The following PSD4 variants were observed in gnomAD, a reference collection of about 807,000 sequenced individuals.
PSD4 encodes PH and SEC7 domain-containing protein 4.
A neutral mutation model predicts 112.5 loss-of-function variants in PSD4; 59 were observed. That is an observed-to-expected ratio of 0.52 (90% CI 0.43 to 0.65). The LOEUF (loss-of-function observed/expected upper bound fraction) is 0.65. Ranked by LOEUF, PSD4 falls within the 30% of genes least tolerant of loss-of-function variation. PSD4 has a pLI of 0.00. For missense variants in PSD4, 1,267 were observed against 1,352.6 expected, an observed-to-expected ratio of 0.94 and a Z score of 0.99; for synonymous variants, 533 against 540.0, an observed-to-expected ratio of 0.99 and a Z score of 0.18.
chr2:113,186,284 C>T, intron 5 of PSD4, 29 bp downstream of exon 5: 5 of 1,534,512 alleles, frequency 3.3e-6, no homozygotes, highest in Non-Finnish European at 3.5e-6. Flanking sequence ...GGCTCTCATG[C>T]TCCTAATTAT....
At chr2:113,175,548 G>A (rs555784079) in intron 1 of PSD4, among the ~76,000 whole-genome samples, 1 of 152,286 alleles carries the variant, frequency 6.6e-6, no homozygotes, top group South Asian at 2.1e-4. Context: ...CTGTAATTCG[G>A]CAGCTTCTCG....
At chr2:113,199,296 C>T (rs2104509800) in intron 16 of PSD4, 70 bp downstream of exon 16, 2 of 1,358,924 alleles carry the variant, frequency 1.5e-6, no homozygotes, top group Non-Finnish European at 1.9e-6. Flanking sequence ...CGCCTCGGTC[C>T]CTGCAGCCGT....
At chr2:113,199,650 C>G (rs972589510) in intron 16 of PSD4, among the ~76,000 whole-genome samples, 11 of 152,304 alleles carry the variant, frequency 7.2e-5, no homozygotes, top group African/African-American at 2.6e-4. Flanking sequence ...GCTTGTCTTC[C>G]TTGCATGGAT....
At chr2:113,194,513 C>T (rs1387957562) in intron 10 of PSD4, among the ~76,000 whole-genome samples, 2 of 152,208 alleles carry the variant, frequency 1.3e-5, no homozygotes, top group East Asian at 1.9e-4. Context: ...CATCACTTAA[C>T]GATGAAGGTG....
At position 113,201,506 on chromosome 2, in the gene PSD4, A is replaced by T; in HGVS notation, c.*91A>T. 2 of 1,503,860 alleles carry T rather than the reference A, an allele frequency of 1.3e-6. No homozygotes were observed. The allele number at this position is 1,503,860 out of a possible 1,614,324, so 93.2% of individuals were successfully genotyped here. On this transcript the variant is annotated 3_prime_UTR_variant, in exon 17 of 17. Transcript: ENST00000245796. Reference sequence around the variant, plus strand: ...GGAGACTTATTTCAATGAGTCCACCATGACGGATGAGGCACCTCCTTTCCC... The same window carrying T: ...GGAGACTTATTTCAATGAGTCCACCTTGACGGATGAGGCACCTCCTTTCCC...
At position 113,184,957 on chromosome 2, in the gene PSD4, G is replaced by A; in HGVS notation, c.1057G>A (p.Gly353Arg). The change falls in exon 3 of 17, where the codon GGA becomes AGA. Residue 353 changes from glycine to arginine, a missense_variant and splice_region_variant. Around this residue, in one of 2 missense-constraint regions of PSD4, gnomAD observed 723 missense variants for 704.0 expected, o/e 1.03. Coordinates refer to ENST00000245796, the MANE Select transcript of PSD4 (RefSeq NM_012455.3). ...AAPPGHGESE[G>R]DRLGPAPSAA... ...CTCTGTCTCTCTCTCGACTTCTCAG[G>A]GAGATAGGCTTGGTCCTGCTCCATC... 6.2e-7 allele frequency: 1 copy of A among 1,614,068 alleles called. No individual in the cohort carries two copies. Among genetic ancestry groups the A allele is most frequent in the Non-Finnish European group, 8.5e-7 (1 of 1,180,002 alleles).
At position 113,198,812 on chromosome 2, in the gene PSD4, C is replaced by T. The variant is rs747012610; in HGVS notation, c.2697C>T (p.Phe899=). 1.5e-5 allele frequency: 24 copies of T among 1,593,650 alleles called. No homozygotes were observed. The highest frequency in any genetic ancestry group is 2.0e-5 in the Non-Finnish European group (24 of 1,174,350). The change falls in exon 15 of 17, where the codon TTC becomes TTT. Residue 899 remains phenylalanine (F), a synonymous_variant. Coordinates refer to ENST00000245796, the MANE Select transcript of PSD4 (RefSeq NM_012455.3). ...CGGCCACGCACTCCGCGCCGCCCTT[C>T]CCCGCCGCTGTGGGCTCCCAGCGCA... The part of the protein sequence containing the change: ...LAAATHSAPP[F]PAAVGSQRRF...
chr2:113,193,004 C>A, intron 6 of PSD4, 44 bp from the exon 7 acceptor site: 1 of 1,583,984 alleles, frequency 6.3e-7, no homozygotes, highest in African/African-American at 1.3e-5. Flanking sequence ...GCAGCCCCAG[C>A]CCAGGCCCCT....
intron 5 of PSD4, among the ~76,000 whole-genome samples, chr2:113,189,138 T>A (rs993477521): frequency 6.6e-6 from 1 of 152,192 alleles, no homozygotes; most frequent in Non-Finnish European, 1.5e-5. Flanking sequence ...TAGTTCCCAC[T>A]TATGAGTGAG....
intron 1 of PSD4, among the ~76,000 whole-genome samples, chr2:113,180,683 C>A (rs901303162): frequency 1.4e-5 from 2 of 140,728 alleles, no homozygotes; most frequent in Non-Finnish European, 3.1e-5. Context: ...ACGCAGGGGA[C>A]TGCTCATCTT....
At chr2:113,198,062 G>A in intron 14 of PSD4, 149 bp downstream of exon 14, 1 of 1,043,008 alleles carries the variant, frequency 9.6e-7, no homozygotes, top group Non-Finnish European at 1.3e-6. Context: ...AGCGGCAGCA[G>A]GAAGAGGAGC....
At position 113,187,124 on chromosome 2, in the gene PSD4, G is replaced by T. The variant is rs556974521; in HGVS notation, c.1628+869G>T. ...ACAGAGTCACAGCCAGACTGACTTA[G>T]CCTGGCCTGGGACCAGGAGAACCCC... On this transcript the variant is annotated intron_variant, in intron 5 of 16. Transcript: ENST00000245796. Among the ~76,000 whole-genome samples, 579 of 152,318 alleles carry T rather than the reference G, an allele frequency of 3.8e-3. 7 individuals carry two copies. Among genetic ancestry groups the T allele is most frequent in the African/African-American group, 0.013 (538 of 41,558 alleles).
In PSD4 at chr2:113,183,013, G is replaced by T; in HGVS notation, c.557G>T (p.Cys186Phe). 6.2e-7 allele frequency: 1 copy of T among 1,614,084 alleles called. No individual in the cohort carries two copies. ...GAAGGGCTCAAGGCTGGGCTGAAAT[G>T]CTGTCTCCCCACGCCCCCTGTGGAC... ...KTEGLKAGLKCCLPTPPVDLP... is the reference protein window; with the variant it reads ...KTEGLKAGLKFCLPTPPVDLP... Residue 186 changes from cysteine (C) to phenylalanine (F), a missense_variant, in exon 2 of 17, where the codon TGC becomes TTC. Physicochemically the swap from Cys to Phe is radical, Grantham distance 205. Coordinates refer to ENST00000245796, the MANE Select transcript of PSD4 (RefSeq NM_012455.3).
intron 4 of PSD4, 130 bp downstream of exon 4, chr2:113,185,570 A>G (rs1366783277): frequency 6.4e-7 from 1 of 1,571,468 alleles, no homozygotes; most frequent in African/African-American, 1.4e-5. Context: ...TAAGCCAGAC[A>G]GACTTGGGGT....
intron 1 of PSD4, among the ~76,000 whole-genome samples, chr2:113,177,218 G>A (rs1025405642): frequency 9.9e-5 from 15 of 152,174 alleles, no homozygotes; most frequent in Non-Finnish European, 2.2e-4. Context: ...ATTGGTCATG[G>A]GCAGACTGGC....
intron 10 of PSD4, among the ~76,000 whole-genome samples, chr2:113,194,363 A>G (rs1688539201): frequency 6.6e-6 from 1 of 152,230 alleles, no homozygotes; most frequent in African/African-American, 2.4e-5. Flanking sequence ...GGCCAACTCA[A>G]GTTCTTCCTG....
chr2:113,193,301 C>T lies in PSD4; in HGVS notation c.1963C>T (p.Arg655Trp), dbSNP rs1688507856. 5.0e-6 allele frequency: 8 copies of T among 1,596,494 alleles called. No individual in the cohort carries two copies. The highest frequency in any genetic ancestry group is 6.8e-6 in the Non-Finnish European group (8 of 1,174,206). The change falls in exon 8 of 17, where the codon CGG becomes TGG. Residue 655 changes from arginine (R) to tryptophan (W), a missense_variant. This residue lies in a region of PSD4 where 544 missense variants were observed against 648.6 expected (regional missense o/e 0.84). Coordinates refer to ENST00000245796, the MANE Select transcript of PSD4 (RefSeq NM_012455.3). Reference sequence around the variant, plus strand: ...GGTGCTCAGTGGGGAGACTCAGGAACGGGAGCGAATCCTCTACCAGTTCTC... The same window carrying T: ...GGTGCTCAGTGGGGAGACTCAGGAATGGGAGCGAATCCTCTACCAGTTCTC... The part of the protein sequence containing the change: ...ALVLSGETQE[R>W]ERILYQFSRR...
At chr2:113,179,861 C>T (rs535707068) in intron 1 of PSD4, among the ~76,000 whole-genome samples, 15 of 152,280 alleles carry the variant, frequency 9.9e-5, no homozygotes, top group African/African-American at 3.4e-4. Flanking sequence ...CCCTGAAGGC[C>T]GGTCAGGGAC....
At chr2:113,193,441 T>C (rs1347031601) in intron 8 of PSD4, 71 bp downstream of exon 8, 60 of 1,513,946 alleles carry the variant, frequency 4.0e-5, no homozygotes, top group Non-Finnish European at 5.5e-5. Flanking sequence ...GGGAGTTCAG[T>C]AGGTGACAGT....
Sources: gnomAD v4.1 joint callset for allele counts (sites outside exome capture counted in the v4.1 genomes callset) on GRCh38, gnomAD v4.1.1 for gene constraint, gnomAD v4.1.1 regional missense constraint, MANE v1.5 for transcripts, NCBI Gene and HGNC (gene_info 2026-07-23, HGNC 2026-07-21) for gene names.